Variants in KCNH8 observed in about 807,000 individuals in gnomAD.
The protein encoded by KCNH8 is potassium voltage-gated channel subfamily H member 8, also known as voltage-gated delayed rectifier potassium channel KCNH8.
Under a neutral mutation model 103.6 loss-of-function variants are expected in KCNH8, and 70 were observed. That is an observed-to-expected ratio of 0.68 (90% CI 0.56 to 0.82). The LOEUF (loss-of-function observed/expected upper bound fraction) is 0.82. KCNH8 is among the 40% of genes least tolerant of loss of function. The pLI is 0.00. For synonymous variants in KCNH8, 498 were observed against 489.4 expected, an observed-to-expected ratio of 1.02 and a Z score of -0.23; for missense variants, 1,217 against 1,329.9, an observed-to-expected ratio of 0.92 and a Z score of 1.32.
chr3:19,316,578 A>G (rs188833421), intron 3 of KCNH8, among the ~76,000 whole-genome samples: 280 of 152,064 alleles, frequency 1.8e-3, no homozygotes, highest in Non-Finnish European at 8.1e-4. Context: ...AAATAAAGCA[A>G]TCCTCCAAAA....
At chr3:19,246,225 C>A (rs1419310948) in intron 1 of KCNH8, among the ~76,000 whole-genome samples, 3 of 148,750 alleles carry the variant, frequency 2.0e-5, no homozygotes, top group Non-Finnish European at 4.5e-5. Context: ...TTTATTAAAC[C>A]ATTCAAATGA....
rs956874793 is a variant in KCNH8, at chr3:19,204,274, T to C, written c.77-49380T>C. Reference sequence around the variant, plus strand: ...CTTGGGAATGAATTACATAAACTAATGTGTCTGTGAGAGCCCATTTCTCTA... The same window carrying C: ...CTTGGGAATGAATTACATAAACTAACGTGTCTGTGAGAGCCCATTTCTCTA... On this transcript the variant is annotated intron_variant, in intron 1 of 15. Coordinates refer to ENST00000328405, the MANE Select transcript of KCNH8 (RefSeq NM_144633.3). 2.9e-4 allele frequency among the ~76,000 whole-genome samples: 44 copies of C among 152,054 alleles called. 1 individual carries two copies. The highest frequency in any genetic ancestry group is 1.1e-3 in the African/African-American group (44 of 41,422).
At chr3:19,281,686 T>C (rs2064759080) in intron 3 of KCNH8, among the ~76,000 whole-genome samples, 1 of 152,068 alleles carries the variant, frequency 6.6e-6, no homozygotes. Context: ...AAAATACATC[T>C]CTCCATTTCC....
chr3:19,252,420 G>A (rs946837851), intron 1 of KCNH8, among the ~76,000 whole-genome samples: 53 of 149,282 alleles, frequency 3.6e-4, no homozygotes, highest in African/African-American at 1.3e-3. Context: ...ACGGAGTTTC[G>A]CTCTTGTTGC....
rs371400414 is a variant in KCNH8, at chr3:19,281,291, A to G, written c.404A>G (p.Asp135Gly). The G allele has an allele frequency of 4.6e-5, 74 of 1,610,144 alleles. No individual in the cohort carries two copies. In the East Asian group the frequency reaches 1.5e-3, roughly 33 times the overall value. The change falls in exon 3 of 16, where the codon GAT becomes GGT. Residue 135 changes from aspartate to glycine, a missense_variant. Asp to Gly is a moderately conservative substitution (Grantham distance 94). This residue lies in a region of KCNH8 where 244 missense variants were observed against 256.8 expected (regional missense o/e 0.95). Coordinates refer to ENST00000328405, the MANE Select transcript of KCNH8 (RefSeq NM_144633.3). ...CTGGCCTCGTTCAAAGATATAACAG[A>G]TACAAAAGTGAAGATTACTCCAGAA... is the stretch of plus-strand genomic sequence containing the variant. ...LFLASFKDIT[D>G]TKVKITPEDK... is the part of the protein sequence containing the mutation.
chr3:19,498,271 C>A (rs1350239111), intron 11 of KCNH8, among the ~76,000 whole-genome samples: 1 of 152,078 alleles, frequency 6.6e-6, no homozygotes, highest in Non-Finnish European at 1.5e-5. Flanking sequence ...TGGATTTGAT[C>A]CTTTTATGTT....
At chr3:19,244,142 C>G (rs2064175655) in intron 1 of KCNH8, among the ~76,000 whole-genome samples, 1 of 152,164 alleles carries the variant, frequency 6.6e-6, no homozygotes, top group Non-Finnish European at 1.5e-5. Context: ...TAAAATTATA[C>G]TAAATGAAAA....
intron 3 of KCNH8, among the ~76,000 whole-genome samples, chr3:19,311,659 C>T (rs906512476): frequency 2.6e-5 from 4 of 151,786 alleles, no homozygotes; most frequent in African/African-American, 4.8e-5. Context: ...TTATCCCTCA[C>T]AGACTCCAGG....
intron 5 of KCNH8, among the ~76,000 whole-genome samples, chr3:19,383,910 A>G (rs2066321384): frequency 6.6e-6 from 1 of 152,246 alleles, no homozygotes; most frequent in South Asian, 2.1e-4. Context: ...AGGTTTTTTC[A>G]GTATGTTTAT....
At chr3:19,438,604 T>C (rs1186531886) in intron 8 of KCNH8, among the ~76,000 whole-genome samples, 1 of 152,120 alleles carries the variant, frequency 6.6e-6, no homozygotes, top group Non-Finnish European at 1.5e-5. Context: ...GATTAACACG[T>C]GGGGCTCCTC....
At chr3:19,182,255 G>A (rs2063460512) in intron 1 of KCNH8, among the ~76,000 whole-genome samples, 1 of 152,140 alleles carries the variant, frequency 6.6e-6, no homozygotes, top group South Asian at 2.1e-4. Context: ...TTGGCCGGGC[G>A]TGGTGGCTCA....
chr3:19,307,683 G>C lies in KCNH8; in HGVS notation c.442+26354G>C, dbSNP rs567366370. ...AAACAGATGCATGAATGAAGAAAAC[G>C]TGGTACATATACATAATGGAATACT... On this transcript the variant is annotated intron_variant, in intron 3 of 15. Coordinates refer to ENST00000328405, the MANE Select transcript of KCNH8 (RefSeq NM_144633.3). Among the ~76,000 whole-genome samples the C allele has an allele frequency of 1.6e-3, 238 of 152,018 alleles. 1 individual carries two copies. The highest frequency in any genetic ancestry group is 5.5e-3 in the African/African-American group (230 of 41,524).
At chr3:19,374,345 T>C (rs2066155109) in intron 5 of KCNH8, among the ~76,000 whole-genome samples, 2 of 151,742 alleles carry the variant, frequency 1.3e-5, no homozygotes, top group South Asian at 4.2e-4. Context: ...GTTGAATTGA[T>C]CCCTTTACCA....
chr3:19,360,875 G>T (rs986886939), intron 5 of KCNH8, among the ~76,000 whole-genome samples: 1 of 152,000 alleles, frequency 6.6e-6, no homozygotes, highest in South Asian at 2.1e-4. Context: ...CATTGAGGAA[G>T]TACAGGCAAA....
chr3:19,315,497 A>T (rs1181087543), intron 3 of KCNH8, among the ~76,000 whole-genome samples: 1 of 151,970 alleles, frequency 6.6e-6, no homozygotes, highest in Non-Finnish European at 1.5e-5. Context: ...GCACCTAGGT[A>T]CTTCCTGCTA....
intron 1 of KCNH8, among the ~76,000 whole-genome samples, chr3:19,162,157 A>C (rs2063239914): frequency 6.6e-6 from 1 of 152,160 alleles, no homozygotes; most frequent in Non-Finnish European, 1.5e-5. Context: ...TTCATCTTTT[A>C]AACATTTTAA....
chr3:19,526,049 T>C (rs1427978897), intron 15 of KCNH8, among the ~76,000 whole-genome samples: 1 of 151,888 alleles, frequency 6.6e-6, no homozygotes, highest in Non-Finnish European at 1.5e-5. Context: ...TTATGATAAA[T>C]ATGCAACATA....
chr3:19,150,701 A>G (rs2063120322), intron 1 of KCNH8, among the ~76,000 whole-genome samples: 1 of 152,170 alleles, frequency 6.6e-6, no homozygotes, highest in Non-Finnish European at 1.5e-5. Flanking sequence ...ATTAATGTTA[A>G]TAAGATAGGT....
At chr3:19,193,541 C>T (rs1019727035) in intron 1 of KCNH8, among the ~76,000 whole-genome samples, 10 of 151,410 alleles carry the variant, frequency 6.6e-5, no homozygotes, top group South Asian at 4.1e-4. Context: ...CCTTTGTTTC[C>T]GTGCAAAGAT....
Sources: gnomAD v4.1 joint callset for allele counts (sites outside exome capture counted in the v4.1 genomes callset) on GRCh38, gnomAD v4.1.1 for gene constraint, gnomAD v4.1.1 regional missense constraint, MANE v1.5 for transcripts, NCBI Gene and HGNC (gene_info 2026-07-23, HGNC 2026-07-21) for gene names.